CDHR3: variants seen among roughly 807,000 people sequenced by gnomAD.
The protein encoded by CDHR3 is cadherin-related family member 3.
CDHR3 carries 79 observed loss-of-function variants against 86.6 expected under a neutral mutation model. That is an observed-to-expected ratio of 0.91 (90% CI 0.76 to 1.10). The LOEUF is 1.10. Among genes scored for constraint, CDHR3 ranks in the 50% least tolerant of loss-of-function variants. The probability of loss-of-function intolerance (pLI) is 0.00; values close to 1 mark genes in which losing one functional copy is unlikely to be tolerated. For synonymous variants in CDHR3, 421 were observed against 402.4 expected (o/e 1.05, Z -0.55); for missense variants, 1,081 against 1,077.6 (o/e 1.00, Z -0.04).
At chr7:106,032,297 C>T in intron 18 of CDHR3, 96 bp from the exon 19 acceptor site, 1 of 1,216,468 alleles carries the variant, frequency 8.2e-7, no homozygotes. Context: ...GCTTCATCTT[C>T]CCTTGGGAGT....
intron 3 of CDHR3, among the ~76,000 whole-genome samples, chr7:105,981,933 C>G (rs1829800422): frequency 6.6e-6 from 1 of 152,152 alleles, no homozygotes; most frequent in South Asian, 2.1e-4. Context: ...TTGCCAGCTT[C>G]TAAATATACC....
At chr7:106,009,614 TGCTGTGCTCCCGCAG>T (rs1834460169) in intron 8 of CDHR3, among the ~76,000 whole-genome samples, 1 of 152,298 alleles carries the variant, frequency 6.6e-6, no homozygotes. Context: ...GGAGGCGGTG[TGCTGTGCTCCCGCAG>T]GGAGGAGGGC....
At chr7:106,009,180 A>C (rs1033616941) in intron 8 of CDHR3, among the ~76,000 whole-genome samples, 1 of 152,282 alleles carries the variant, frequency 6.6e-6, no homozygotes, top group Admixed American at 6.5e-5. Flanking sequence ...TAATCTAACC[A>C]AGGCTCAAGT....
chr7:106,020,540 C>G lies in CDHR3; in HGVS notation c.1821C>G (p.Gly607=). 6.2e-7 allele frequency: 1 copy of G among 1,612,944 alleles called. No individual in the cohort carries two copies. The highest frequency in any genetic ancestry group is 8.5e-7 in the Non-Finnish European group (1 of 1,179,196). The part of the protein sequence containing the change: ...SSPRSFRYSI[G]PGNVNNHFTF... Reference sequence around the variant, plus strand: ...CCAGATCTTTCCGTTATTCCATTGGCCCAGGTATAGTACTTGGTGTCGACA... The same window carrying G: ...CCAGATCTTTCCGTTATTCCATTGGGCCAGGTATAGTACTTGGTGTCGACA... Residue 607 remains glycine (G), a synonymous_variant, in exon 13 of 19, where the codon GGC becomes GGG. Coordinates refer to ENST00000317716, the MANE Select transcript of CDHR3 (RefSeq NM_152750.5).
chr7:105,984,277 C>T lies in CDHR3; in HGVS notation c.501C>T (p.Asn167=), dbSNP rs776335844. ...EAFDPEDTSR[N]IPLSYFLISP... ...TCGATCCAGAAGACACAAGCCGAAA[C>T]ATTCCCCTCAGTGTAAGTGTCCTTA... Residue 167 remains asparagine, a synonymous_variant, in exon 4 of 19, where the codon AAC becomes AAT. Coordinates refer to ENST00000317716, the MANE Select transcript of CDHR3 (RefSeq NM_152750.5). 1.7e-5 allele frequency: 27 copies of T among 1,609,652 alleles called. No individual in the cohort carries two copies. The highest frequency in any genetic ancestry group is 2.2e-5 in the Non-Finnish European group (26 of 1,177,196).
chr7:106,032,708 A>G lies in CDHR3; in HGVS notation c.*11A>G. On this transcript the variant is annotated 3_prime_UTR_variant, in exon 19 of 19. Transcript: ENST00000317716. ...CACCCAGGAAAGTAAACGGGGTCTA[A>G]GGAGGGGCCTGTCAATCACTGAGAT... 1 of 1,601,708 alleles carries G rather than the reference A, an allele frequency of 6.2e-7. No individual in the cohort carries two copies. The highest frequency in any genetic ancestry group is 8.5e-7 in the Non-Finnish European group (1 of 1,172,714).
In CDHR3 at chr7:106,030,898, C is replaced by A; in HGVS notation, c.2353+58C>A. 1 of 1,475,654 alleles carries A rather than the reference C, an allele frequency of 6.8e-7. No individual in the cohort carries two copies. Among genetic ancestry groups the A allele is most frequent in the African/African-American group, 1.4e-5 (1 of 71,678 alleles). 91.4% of individuals were successfully genotyped at this position (1,475,654 alleles called of 1,614,324 possible). ...TTTTTATATTCCAGACTGGTAGAAG[C>A]ATGGAGGATCTTATCCAATTTCCTG... On this transcript the variant is annotated intron_variant, in intron 18 of 18. Coordinates refer to ENST00000317716, the MANE Select transcript of CDHR3 (RefSeq NM_152750.5). The surrounding 1 kb of genome is among the most constrained non-coding windows in gnomAD (Gnocchi z 4.8).
chr7:106,028,986 T>TTCTTTCTC (rs1837904769), intron 17 of CDHR3, among the ~76,000 whole-genome samples: 1 of 148,442 alleles, frequency 6.7e-6, no homozygotes, highest in South Asian at 2.2e-4. Context: ...CTTTCTTTCT[T>TTCTTTCTC]TCTTTCTTTT....
At chr7:105,983,895 T>A (rs969534845) in intron 3 of CDHR3, among the ~76,000 whole-genome samples, 1 of 152,126 alleles carries the variant, frequency 6.6e-6, no homozygotes, top group Non-Finnish European at 1.5e-5. Context: ...CTCTCTGCCC[T>A]ATCACCTCCT....
chr7:105,975,373 TTTGG>T (rs1828647239), intron 2 of CDHR3, among the ~76,000 whole-genome samples: 2 of 152,222 alleles, frequency 1.3e-5, no homozygotes, highest in Non-Finnish European at 2.9e-5. Context: ...GGTGGAGTAG[TTTGG>T]ATATTGATCT....
In CDHR3 at chr7:106,015,107, C is replaced by G; in HGVS notation, c.1225-4C>G. ...TATAATCTACTATCTCTGTTTTAAT[C>G]TAGCTGATTGGTGATCTAGACTACG... On this transcript the variant is annotated splice_polypyrimidine_tract_variant and splice_region_variant and intron_variant, in intron 9 of 18. Transcript: ENST00000317716. 6.3e-7 allele frequency: 1 copy of G among 1,594,432 alleles called. No individual in the cohort carries two copies. Among genetic ancestry groups the G allele is most frequent in the South Asian group, 1.1e-5 (1 of 87,734 alleles).
At chr7:106,029,349 G>A (rs995261578) in intron 17 of CDHR3, among the ~76,000 whole-genome samples, 4 of 152,132 alleles carry the variant, frequency 2.6e-5, no homozygotes, top group Admixed American at 6.5e-5. Context: ...TCCCTGGTCC[G>A]GGGTTGGCTC....
rs557065166 is a variant in CDHR3, at chr7:106,026,761, G to C, written c.2272+66G>C. On this transcript the variant is annotated intron_variant, in intron 16 of 18. Transcript: ENST00000317716. ...TTGCTCTGTTGTGCTACGTAAAAAG[G>C]TTCCTACTCGGCAAAGAATCAGGCC... is the stretch of plus-strand genomic sequence containing the variant. 3.3e-6 allele frequency: 5 copies of C among 1,535,098 alleles called. No homozygotes were observed. The African/African-American group carries it at 6.8e-5, about 21-fold the overall frequency.
chr7:106,022,265 A>C lies in CDHR3; in HGVS notation c.1893A>C (p.Thr631=). The C allele has an allele frequency of 1.9e-6, 3 of 1,614,026 alleles. No individual in the cohort carries two copies. Among genetic ancestry groups the C allele is most frequent in the African/African-American group, 1.3e-5 (1 of 75,046 alleles). The change falls in exon 14 of 19, where the codon ACA becomes ACC. Residue 631 remains threonine (T), a synonymous_variant. Coordinates refer to ENST00000317716, the MANE Select transcript of CDHR3 (RefSeq NM_152750.5). ...CCAATGTCACACGCCTGCTGCTTAC[A>C]TCTCGCTTTGACTATGCTGGTGGGT... ...AGSNVTRLLL[T]SRFDYAGGFD... is the part of the protein sequence containing the mutation.
At chr7:106,027,078 T>C (rs1837468209) in intron 16 of CDHR3, among the ~76,000 whole-genome samples, 1 of 152,172 alleles carries the variant, frequency 6.6e-6, no homozygotes, top group Non-Finnish European at 1.5e-5. Context: ...GCTAATGCTT[T>C]GTGCTGGACA....
intron 4 of CDHR3, among the ~76,000 whole-genome samples, chr7:105,994,366 A>T (rs1384886565): frequency 6.6e-6 from 1 of 152,120 alleles, no homozygotes; most frequent in Non-Finnish European, 1.5e-5. Flanking sequence ...AATACACTGT[A>T]TTTAAATACA....
intron 4 of CDHR3, among the ~76,000 whole-genome samples, chr7:105,984,612 A>G (rs533636880): frequency 6.6e-6 from 1 of 152,338 alleles, no homozygotes; most frequent in Non-Finnish European, 1.5e-5. Flanking sequence ...CAATGCATGT[A>G]AAACCACTTA....
Position 106,004,639 on chromosome 7 carries a change from T to G in CDHR3, c.1004T>G (p.Val335Gly), listed in dbSNP as rs775446418. 2 of 1,614,046 alleles carry G rather than the reference T, an allele frequency of 1.2e-6. No homozygotes were observed. Among genetic ancestry groups the G allele is most frequent in the Admixed American group, 3.3e-5 (2 of 60,032 alleles). ...QENRIQITFIVEDVNDNPATC... is the reference protein window; with the variant it reads ...QENRIQITFIGEDVNDNPATC... ...AATCGCATCCAGATAACCTTCATTGTGGAAGACGTCAACGACAATCCTGCC... is the reference window on the plus strand; with the variant it reads ...AATCGCATCCAGATAACCTTCATTGGGGAAGACGTCAACGACAATCCTGCC... Residue 335 changes from valine to glycine, a missense_variant, in exon 8 of 19, where the codon GTG becomes GGG. Coordinates refer to ENST00000317716, the MANE Select transcript of CDHR3 (RefSeq NM_152750.5).
At chr7:106,018,705 C>T (rs767548098) in intron 12 of CDHR3, among the ~76,000 whole-genome samples, 3 of 152,148 alleles carry the variant, frequency 2.0e-5, no homozygotes, top group Non-Finnish European at 4.4e-5. Flanking sequence ...GTGAAATGCA[C>T]ACTTCCTAGA....
Sources: gnomAD v4.1 joint callset for allele counts (sites outside exome capture counted in the v4.1 genomes callset) on GRCh38, gnomAD v4.1.1 for gene constraint, Gnocchi (gnomAD v3.1) non-coding constraint, MANE v1.5 for transcripts, NCBI Gene and HGNC (gene_info 2026-07-23, HGNC 2026-07-21) for gene names.